SCN10A: variants seen among roughly 807,000 people sequenced by gnomAD.
SCN10A encodes sodium voltage-gated channel alpha subunit 10.
In SCN10A, 162 loss-of-function variants were observed where a neutral mutation model predicts 170.7. That is an observed-to-expected ratio of 0.95 (90% CI 0.84 to 1.08). The LOEUF (loss-of-function observed/expected upper bound fraction) is 1.08. Among genes scored for constraint, SCN10A ranks in the 50% least tolerant of loss-of-function variants. SCN10A has a pLI of 0.00. For synonymous variants in SCN10A, 985 were observed against 904.6 expected (o/e 1.09, Z -1.59); for missense variants, 2,527 against 2,436.9 (o/e 1.04, Z -0.78).
chr3:38,697,259 T>C lies in SCN10A; in HGVS notation c.*90A>G. On this transcript the variant is annotated 3_prime_UTR_variant, in exon 28 of 28. Coordinates refer to ENST00000449082, the MANE Select transcript of SCN10A (RefSeq NM_006514.4). ...GACCAGTGGCATGCATTGGTGAGGCTGTAGCTGGGTGTGATCTGCAATGGG... is the reference window on the plus strand; with the variant it reads ...GACCAGTGGCATGCATTGGTGAGGCCGTAGCTGGGTGTGATCTGCAATGGG... 6.5e-7 allele frequency: 1 copy of C among 1,546,148 alleles called. No homozygotes were observed.
rs186031413 is a variant in SCN10A at position 38,726,683 on chromosome 3, A to C, written c.3010T>G (p.Ser1004Ala). The change falls in exon 17 of 28, where the codon TCT (serine) becomes GCT (alanine). Residue 1004 changes from serine (S) to alanine (A), a missense_variant. Coordinates refer to ENST00000449082, the MANE Select transcript of SCN10A (RefSeq NM_006514.4). Reference sequence around the variant, plus strand: ...TCATCCTCCAAGTCATCAAGATCAGATTCACCCTCAGCAATGGGCACAGAG... The same window carrying C: ...TCATCCTCCAAGTCATCAAGATCAGCTTCACCCTCAGCAATGGGCACAGAG... ...WVSVPIAEGE[S>A]DLDDLEDDGG... 78 of 1,611,676 alleles carry C rather than the reference A, an allele frequency of 4.8e-5. 1 individual carries two copies. In the Middle Eastern group the frequency reaches 6.6e-4, roughly 14 times the overall value.
At chr3:38,791,852 A>G (rs531817090) in intron 3 of SCN10A, among the ~76,000 whole-genome samples, 198 bp downstream of exon 3, 50 of 152,140 alleles carry the variant, frequency 3.3e-4, no homozygotes, top group Non-Finnish European at 6.6e-4. Context: ...TTGCATAAAC[A>G]CTTCTTCTGT....
At position 38,735,430 on chromosome 3, in the gene SCN10A, T is replaced by C. The variant is rs1324295732; in HGVS notation, c.2280+4085A>G. On this transcript the variant is annotated intron_variant, in intron 15 of 27. Transcript: ENST00000449082. The stretch of plus-strand genomic sequence containing the variant: ...ACATTTTTAAACTTTATTGAAAGAC[T>C]GGTATACAGCGTATACTATCTTCAT... Among the ~76,000 whole-genome samples, 6 of 152,334 alleles carry C rather than the reference T, an allele frequency of 3.9e-5. No homozygotes were observed. The East Asian group carries it at 1.2e-3, about 29-fold the overall frequency.
In SCN10A at chr3:38,710,875, T is replaced by C. The variant is rs376193439; in HGVS notation, c.4112A>G (p.Asp1371Gly). The C allele has an allele frequency of 1.6e-5, 26 of 1,613,678 alleles. No homozygotes were observed. Among genetic ancestry groups the C allele is most frequent in the African/African-American group, 1.3e-4 (10 of 74,906 alleles). The change falls in exon 24 of 28, where the codon GAC (aspartate) becomes GGC (glycine). Residue 1371 changes from aspartate (D) to glycine (G), a missense_variant. Physicochemically the swap from Asp to Gly is moderately conservative, Grantham distance 94. Coordinates refer to ENST00000449082, the MANE Select transcript of SCN10A (RefSeq NM_006514.4). ...LQVATFKGWM[D>G]IMYAAVDSRE... ...GGAATCAACAGCTGCATACATAATGTCCATCCAGCCTTTAAAGGTTGCCTG... is the reference window on the plus strand; with the variant it reads ...GGAATCAACAGCTGCATACATAATGCCCATCCAGCCTTTAAAGGTTGCCTG...
intron 15 of SCN10A, among the ~76,000 whole-genome samples, chr3:38,739,163 T>C (rs1439172232): frequency 6.6e-6 from 1 of 152,198 alleles, no homozygotes; most frequent in Non-Finnish European, 1.5e-5. Flanking sequence ...GAGGTGCGTT[T>C]TTTCAAGTGT....
intron 14 of SCN10A, among the ~76,000 whole-genome samples, chr3:38,741,232 A>G (rs964834793): frequency 2.6e-5 from 4 of 152,108 alleles, no homozygotes; most frequent in Non-Finnish European, 4.4e-5. Context: ...TGCTGCGGAC[A>G]TGAAGGCAGG....
chr3:38,800,669 A>G (rs973789094), intron 1 of SCN10A, among the ~76,000 whole-genome samples: 1 of 152,122 alleles, frequency 6.6e-6, no homozygotes, highest in Non-Finnish European at 1.5e-5. Flanking sequence ...GGCAGTCCTT[A>G]GGACTTCCTG....
At position 38,755,882 on chromosome 3, in the gene SCN10A, C is replaced by G; in HGVS notation, c.1367G>C (p.Ser456Thr). Residue 456 changes from serine (S) to threonine (T), a missense_variant, in exon 11 of 28, where the codon AGT (serine) becomes ACT (threonine). By Grantham distance (58) the Ser-to-Thr change is moderately conservative. Transcript: ENST00000449082. ...NGSPLTSKNA[S>T]ERRHRIKPRV... ...TGGCTTTATTCTATGCCTTCTCTCA[C>G]TGGCATTTTTGGAGGTTAAAGGTGA... is the stretch of plus-strand genomic sequence containing the variant. 9 of 1,614,210 alleles carry G rather than the reference C, an allele frequency of 5.6e-6. No individual in the cohort carries two copies. Among genetic ancestry groups the G allele is most frequent in the Non-Finnish European group, 7.6e-6 (9 of 1,180,030 alleles).
At chr3:38,796,971 T>C (rs560919247) in intron 1 of SCN10A, among the ~76,000 whole-genome samples, 1 of 152,168 alleles carries the variant, frequency 6.6e-6, no homozygotes, top group East Asian at 1.9e-4. Flanking sequence ...GTTGCATGAA[T>C]AGAGATAATG....
intron 17 of SCN10A, among the ~76,000 whole-genome samples, chr3:38,725,999 C>T (rs2063450378): frequency 6.6e-6 from 1 of 152,202 alleles, no homozygotes; most frequent in African/African-American, 2.4e-5. Flanking sequence ...ACAGGGTTCC[C>T]TGCCTTCCCA....
intron 20 of SCN10A, among the ~76,000 whole-genome samples, chr3:38,719,224 C>T (rs2063363112): frequency 6.6e-6 from 1 of 152,168 alleles, no homozygotes; most frequent in African/African-American, 2.4e-5. Flanking sequence ...CGCCAACACA[C>T]CTCTGAAAAA....
At chr3:38,796,984 G>A (rs939489416) in intron 1 of SCN10A, among the ~76,000 whole-genome samples, 13 of 151,934 alleles carry the variant, frequency 8.6e-5, no homozygotes, top group Non-Finnish European at 1.3e-4. Flanking sequence ...AGATAATGGC[G>A]AAACTTAATA....
Position 38,708,319 on chromosome 3 carries a change from G to A in SCN10A, c.4282-936C>T, listed in dbSNP as rs951431901. Among the ~76,000 whole-genome samples, 4 of 152,122 alleles carry A rather than the reference G, an allele frequency of 2.6e-5. 1 individual carries two copies. Among genetic ancestry groups the A allele is most frequent in the South Asian group, 4.1e-4 (2 of 4,822 alleles). On this transcript the variant is annotated intron_variant, in intron 25 of 27. Transcript: ENST00000449082. ...GCAGTTTCTCAGTGACCCCAGCCTG[G>A]TCACTAGCTCATCTCCTTCCGTTAC... is the stretch of plus-strand genomic sequence containing the variant.
chr3:38,784,593 A>C (rs2064176206), intron 4 of SCN10A, among the ~76,000 whole-genome samples: 1 of 152,132 alleles, frequency 6.6e-6, no homozygotes, highest in South Asian at 2.1e-4. Flanking sequence ...GCCCTATCTC[A>C]CCACTCTTAT....
intron 6 of SCN10A, among the ~76,000 whole-genome samples, chr3:38,762,674 A>G (rs1237218213): frequency 6.6e-6 from 1 of 152,070 alleles, no homozygotes; most frequent in East Asian, 1.9e-4. Context: ...TGAGAGAGAT[A>G]TGAAGGGGCA....
chr3:38,728,905 C>A lies in SCN10A; in HGVS notation c.2281-4G>T. On this transcript the variant is annotated splice_polypyrimidine_tract_variant and splice_region_variant and intron_variant, in intron 15 of 27. Coordinates refer to ENST00000449082, the MANE Select transcript of SCN10A (RefSeq NM_006514.4). Reference sequence around the variant, plus strand: ...TGGCCAGCTTGAATACGCGCAGCTGCAGAGAAACAGAGACCGTCAGGTTTT... The same window carrying A: ...TGGCCAGCTTGAATACGCGCAGCTGAAGAGAAACAGAGACCGTCAGGTTTT... 1.3e-6 allele frequency: 2 copies of A among 1,596,076 alleles called. No homozygotes were observed. The highest frequency in any genetic ancestry group is 1.7e-4 in the Middle Eastern group (1 of 5,968).
chr3:38,783,878 T>C (rs896785981), intron 4 of SCN10A, among the ~76,000 whole-genome samples: 2 of 152,090 alleles, frequency 1.3e-5, no homozygotes, highest in Admixed American at 6.6e-5. Flanking sequence ...ATTGTGACAC[T>C]TTAAAAAATT....
chr3:38,761,501 C>G (rs550294226), intron 6 of SCN10A, 118 bp from the exon 7 acceptor site: 1 of 791,208 alleles, frequency 1.3e-6, no homozygotes, highest in African/African-American at 1.7e-5. Context: ...TGTACACACT[C>G]CAGGGCAGTT....
chr3:38,751,076 A>T (rs2063742053), intron 12 of SCN10A, among the ~76,000 whole-genome samples: 1 of 152,202 alleles, frequency 6.6e-6, no homozygotes. Context: ...GGTTTGGTTA[A>T]TGGGAGACAT....
Sources: allele counts gnomAD v4.1 joint callset (sites outside exome capture counted in the v4.1 genomes callset), GRCh38; gene constraint gnomAD v4.1.1; transcripts MANE v1.5; gene names NCBI Gene and HGNC (gene_info 2026-07-23, HGNC 2026-07-21).